The following ANKRD44 variants were observed in gnomAD, a reference collection of about 807,000 sequenced individuals.
ANKRD44 encodes ankyrin repeat domain 44.
Under a neutral mutation model 116.0 loss-of-function variants are expected in ANKRD44, and 35 were observed. The ratio of observed to expected loss-of-function variants is 0.30; its 90% CI spans 0.23 to 0.40. The LOEUF (loss-of-function observed/expected upper bound fraction) is 0.40, where lower values mean the gene tolerates loss of function less well. Among genes scored for constraint, ANKRD44 ranks in the 10% least tolerant of loss-of-function variants. ANKRD44 has a pLI of 1.00. For missense variants in ANKRD44, 1,014 were observed against 1,242.6 expected, an observed-to-expected ratio of 0.82 and a Z score of 2.77; for synonymous variants, 435 against 461.8, an observed-to-expected ratio of 0.94 and a Z score of 0.74.
At chr2:197,110,552 C>T (rs528304618) in intron 9 of ANKRD44, among the ~76,000 whole-genome samples, 21 of 152,268 alleles carry the variant, frequency 1.4e-4, no homozygotes, top group African/African-American at 4.6e-4. Context: ...TCCAAATTGA[C>T]TGTGAAACTG....
intron 21 of ANKRD44, among the ~76,000 whole-genome samples, chr2:197,003,255 G>T (rs998127352): frequency 6.6e-6 from 1 of 151,940 alleles, no homozygotes; most frequent in African/African-American, 2.4e-5. Context: ...AGGTTGTGGT[G>T]AGCCGAAATC....
At chr2:197,063,998 G>A (rs532057959) in intron 16 of ANKRD44, among the ~76,000 whole-genome samples, 19 of 152,234 alleles carry the variant, frequency 1.2e-4, no homozygotes, top group African/African-American at 4.1e-4. Context: ...ACACATAATT[G>A]TCAGATTCAC....
chr2:197,147,922 A>T (rs2079546815), intron 2 of ANKRD44: 1 of 455,032 alleles, frequency 2.2e-6, no homozygotes, highest in Non-Finnish European at 4.4e-6. Flanking sequence ...CTCAAATTTT[A>T]AAATTTCCTC....
intron 1 of ANKRD44, among the ~76,000 whole-genome samples, chr2:197,218,648 A>T (rs1271496380): frequency 6.6e-6 from 1 of 152,072 alleles, no homozygotes; most frequent in Non-Finnish European, 1.5e-5. Flanking sequence ...GGAGTTTAAG[A>T]AAGGGATGGT....
chr2:197,158,430 GCTCA>G (rs2079875999), intron 2 of ANKRD44, among the ~76,000 whole-genome samples: 1 of 152,134 alleles, frequency 6.6e-6, no homozygotes, highest in Non-Finnish European at 1.5e-5. Context: ...CCCACCACAG[GCTCA>G]CTGTCTCTTT....
At chr2:197,103,789 T>TA (rs1421759309) in intron 9 of ANKRD44, among the ~76,000 whole-genome samples, 4 of 152,302 alleles carry the variant, frequency 2.6e-5, no homozygotes, top group African/African-American at 9.6e-5. Flanking sequence ...CTATCCAAGA[T>TA]AGTCAGTACT....
At chr2:197,136,865 C>G (rs1018034449) in intron 3 of ANKRD44, among the ~76,000 whole-genome samples, 5 of 152,136 alleles carry the variant, frequency 3.3e-5, no homozygotes, top group Admixed American at 6.5e-5. Context: ...CTGGGACTAG[C>G]CAGATATTTT....
chr2:197,145,232 A>G (rs2079468457), intron 3 of ANKRD44, among the ~76,000 whole-genome samples: 1 of 152,204 alleles, frequency 6.6e-6, no homozygotes, highest in African/African-American at 2.4e-5. Context: ...CAGAGGTTGC[A>G]GTGAGCTGAG....
rs1238469744 is a variant in ANKRD44, at chr2:197,203,106, A to C, written c.28-16000T>G. Among the ~76,000 whole-genome samples the C allele has an allele frequency of 1.3e-5, 2 of 152,046 alleles. No individual in the cohort carries two copies. The highest frequency in any genetic ancestry group is 2.9e-5 in the Non-Finnish European group (2 of 67,986). ...GATTCTTCATCTCAATACCTTCGAA[A>C]TCCTACTCCTTTGACCCCACAGTCC... On this transcript the variant is annotated intron_variant, in intron 1 of 27. Transcript: ENST00000282272. The surrounding 1 kb of genome is among the most constrained non-coding windows in gnomAD (Gnocchi z 4.1).
intron 16 of ANKRD44, chr2:197,029,117 T>C (rs2076655645): frequency 5.5e-6 from 1 of 181,648 alleles, no homozygotes; most frequent in African/African-American, 2.4e-5. Flanking sequence ...CTCCTAATGC[T>C]ATCCCTACCC....
intron 1 of ANKRD44, among the ~76,000 whole-genome samples, chr2:197,299,909 G>C (rs531828902): frequency 1.3e-5 from 2 of 152,226 alleles, no homozygotes; most frequent in South Asian, 2.1e-4. Flanking sequence ...AAACCATCTA[G>C]ATCCTTTCAA....
intron 8 of ANKRD44, among the ~76,000 whole-genome samples, chr2:197,111,805 T>A (rs1222513551): frequency 6.6e-6 from 1 of 151,840 alleles, no homozygotes; most frequent in Non-Finnish European, 1.5e-5. Flanking sequence ...AAACCATAAT[T>A]TTTTATTGTT....
intron 1 of ANKRD44, among the ~76,000 whole-genome samples, chr2:197,261,359 G>C (rs927153536): frequency 2.6e-5 from 4 of 151,598 alleles, no homozygotes; most frequent in South Asian, 2.1e-4. Context: ...GCTTGTTTTT[G>C]TCAGGTTTGT....
intron 1 of ANKRD44, among the ~76,000 whole-genome samples, chr2:197,196,777 C>T (rs28395244): frequency 0.016 from 2,456 of 152,284 alleles, 81 homozygotes; most frequent in African/African-American, 0.055. Flanking sequence ...TTTACACAAT[C>T]AGGTCTTTCC....
At chr2:196,983,108 A>C (rs191784178), downstream of ANKRD44, among the ~76,000 whole-genome samples, 1 of 152,118 alleles carries the variant, frequency 6.6e-6, no homozygotes, top group Admixed American at 6.5e-5. Flanking sequence ...ACGGGTTGAT[A>C]GGTGCAGCAT....
chr2:197,013,112 GC>G (rs2076327978), intron 18 of ANKRD44, among the ~76,000 whole-genome samples: 1 of 152,174 alleles, frequency 6.6e-6, no homozygotes, highest in Non-Finnish European at 1.5e-5. Context: ...ATGCGAAATA[GC>G]CCTGAATACA....
At chr2:197,273,126 C>T (rs1007291425) in intron 1 of ANKRD44, among the ~76,000 whole-genome samples, 7 of 152,190 alleles carry the variant, frequency 4.6e-5, no homozygotes, top group Middle Eastern at 3.4e-3. Flanking sequence ...CTCAAAGGCC[C>T]GAGGCCCAAG....
chr2:197,220,643 G>GA (rs1035205159), intron 1 of ANKRD44, among the ~76,000 whole-genome samples: 14 of 151,628 alleles, frequency 9.2e-5, no homozygotes, highest in Admixed American at 4.0e-4. Context: ...ATTTCTGGGG[G>GA]AAAAAAAATG....
At chr2:197,234,688 TG>T (rs1251282239) in intron 1 of ANKRD44, among the ~76,000 whole-genome samples, 1 of 152,208 alleles carries the variant, frequency 6.6e-6, no homozygotes, top group Non-Finnish European at 1.5e-5. Flanking sequence ...AACAATTTGG[TG>T]GTTCCCAATT....
Sources: gnomAD v4.1 joint callset for allele counts (sites outside exome capture counted in the v4.1 genomes callset) on GRCh38, gnomAD v4.1.1 for gene constraint, Gnocchi (gnomAD v3.1) non-coding constraint, MANE v1.5 for transcripts, NCBI Gene and HGNC (gene_info 2026-07-23, HGNC 2026-07-21) for gene names.